Variants in SORCS1 observed in about 807,000 individuals in gnomAD.
SORCS1 encodes the protein VPS10 domain-containing receptor SorCS1.
SORCS1 carries 60 observed loss-of-function variants against 146.1 expected under a neutral mutation model. That is an observed-to-expected ratio of 0.41 (90% CI 0.33 to 0.51). SORCS1 has a LOEUF of 0.51. Ranked by LOEUF, SORCS1 falls within the 20% of genes least tolerant of loss-of-function variation. The pLI, the probability that SORCS1 is intolerant of heterozygous loss-of-function variation, is 0.21. For missense variants in SORCS1, 1,352 were observed against 1,487.6 expected (o/e 0.91, Z 1.50); for synonymous variants, 637 against 584.0 (o/e 1.09, Z -1.31).
At chr10:106,915,602 CTTG>C (rs1952383802) in intron 2 of SORCS1, among the ~76,000 whole-genome samples, 1 of 152,108 alleles carries the variant, frequency 6.6e-6, no homozygotes, top group Non-Finnish European at 1.5e-5. Flanking sequence ...ATTCCTCTTT[CTTG>C]TTGTGCTTCT....
At chr10:106,808,165 T>C (rs1947281934) in intron 3 of SORCS1, among the ~76,000 whole-genome samples, 1 of 152,012 alleles carries the variant, frequency 6.6e-6, no homozygotes, top group Non-Finnish European at 1.5e-5. Flanking sequence ...GATTAAGGCA[T>C]GCAGCACCAC....
intron 9 of SORCS1, among the ~76,000 whole-genome samples, chr10:106,694,863 A>G (rs1434755782): frequency 6.6e-6 from 1 of 152,004 alleles, no homozygotes; most frequent in Non-Finnish European, 1.5e-5. Context: ...AACCCTTTGC[A>G]CTCAGCTGGG....
At chr10:106,697,940 A>C (rs546090604) in intron 9 of SORCS1, among the ~76,000 whole-genome samples, 48 of 152,342 alleles carry the variant, frequency 3.2e-4, no homozygotes, top group Middle Eastern at 3.4e-3. Context: ...GCTGTCATAC[A>C]TGATATTGTA....
intron 23 of SORCS1, among the ~76,000 whole-genome samples, chr10:106,598,773 T>TA (rs1846061496): frequency 6.6e-6 from 1 of 152,172 alleles, no homozygotes; most frequent in African/African-American, 2.4e-5. Flanking sequence ...CTTTATTTGT[T>TA]AAGCAGGGCC....
At chr10:106,584,374 T>G (rs1397848371) in intron 24 of SORCS1, among the ~76,000 whole-genome samples, 1 of 152,186 alleles carries the variant, frequency 6.6e-6, no homozygotes, top group Non-Finnish European at 1.5e-5. Flanking sequence ...AGTCTCTTGT[T>G]AAAGTAGCCA....
At chr10:106,910,396 A>G (rs181060227) in intron 2 of SORCS1, among the ~76,000 whole-genome samples, 1 of 152,094 alleles carries the variant, frequency 6.6e-6, no homozygotes, top group Admixed American at 6.6e-5. Flanking sequence ...TGACAGTATC[A>G]TATTATGGGG....
chr10:106,791,414 T>C (rs1946314150), intron 3 of SORCS1, among the ~76,000 whole-genome samples: 1 of 152,182 alleles, frequency 6.6e-6, no homozygotes, highest in African/African-American at 2.4e-5. Flanking sequence ...AATATGAATT[T>C]TGGCCAGGTA....
chr10:106,713,415 G>T (rs545372044), intron 6 of SORCS1, among the ~76,000 whole-genome samples: 17 of 151,490 alleles, frequency 1.1e-4, no homozygotes, highest in African/African-American at 3.9e-4. Flanking sequence ...TGTTTTATTT[G>T]TATTAGTGTC....
At chr10:106,753,798 C>T (rs565662727) in intron 5 of SORCS1, among the ~76,000 whole-genome samples, 1 of 152,124 alleles carries the variant, frequency 6.6e-6, no homozygotes, top group South Asian at 2.1e-4. Context: ...AAAAGCCAGA[C>T]TTTATTGGTC....
At chr10:106,675,249 T>C (rs966438793) in intron 13 of SORCS1, 93 bp from the exon 14 acceptor site, 6 of 870,836 alleles carry the variant, frequency 6.9e-6, no homozygotes, top group Non-Finnish European at 1.1e-5. Context: ...AGATAATACA[T>C]TTTAAAAGTA....
chr10:106,797,647 TG>T (rs1257007042), intron 3 of SORCS1, among the ~76,000 whole-genome samples: 1 of 152,120 alleles, frequency 6.6e-6, no homozygotes, highest in Non-Finnish European at 1.5e-5. Context: ...CAAGCACGCT[TG>T]GGGTAAAACA....
intron 1 of SORCS1, among the ~76,000 whole-genome samples, chr10:106,983,211 T>A (rs965510637): frequency 2.7e-5 from 4 of 147,670 alleles, no homozygotes; most frequent in African/African-American, 4.9e-5. Context: ...TTTCTATATA[T>A]AAATATATAT....
chr10:106,850,475 G>T (rs369552698), intron 2 of SORCS1, among the ~76,000 whole-genome samples: 5 of 151,998 alleles, frequency 3.3e-5, no homozygotes, highest in African/African-American at 7.2e-5. Flanking sequence ...ACTGGCCTGC[G>T]CCCACTGTCT....
intron 2 of SORCS1, among the ~76,000 whole-genome samples, chr10:106,898,979 T>C (rs1297308469): frequency 2.0e-5 from 3 of 152,182 alleles, no homozygotes; most frequent in African/African-American, 7.2e-5. Flanking sequence ...AGTTTATAGA[T>C]TAATTGATTT....
At chr10:106,594,384 G>A (rs1845787489) in intron 24 of SORCS1, among the ~76,000 whole-genome samples, 1 of 152,116 alleles carries the variant, frequency 6.6e-6, no homozygotes, top group Non-Finnish European at 1.5e-5. Context: ...TGATACATAA[G>A]CATAGTGATC....
rs531346535 is a variant in SORCS1, at chr10:106,928,055, C to T, written c.626+28458G>A. Among the ~76,000 whole-genome samples, 89 of 152,374 alleles carry T rather than the reference C, an allele frequency of 5.8e-4. No individual in the cohort carries two copies. In the South Asian group the frequency reaches 7.0e-3, roughly 12 times the overall value. On this transcript the variant is annotated intron_variant, in intron 2 of 25. Transcript: ENST00000263054. ...CCAGCTGGCTTCACCCAGTGGATCC[C>T]GCACCGGCGCTGCATGTGGAGCTGC...
In SORCS1 at chr10:106,762,559, AT is replaced by A. The variant is rs932004275; in HGVS notation, c.886-899del. Among the ~76,000 whole-genome samples the A allele has an allele frequency of 4.6e-3, 664 of 143,934 alleles. 2 individuals carry two copies. The highest frequency in any genetic ancestry group is 0.013 in the African/African-American group (526 of 39,524). 94.4% of individuals were successfully genotyped at this position (143,934 alleles called of 152,430 possible). A position where few individuals can be genotyped will look rare whatever the true frequency, so the allele number is the denominator to read the frequency against. ...AGGTGCCTGCCACCAAGCCCGGCTA[AT>A]TTTTTTTTTTGTATTTTTAGTAGAG... is the stretch of plus-strand genomic sequence containing the variant. On this transcript the variant is annotated intron_variant, in intron 4 of 25. Transcript: ENST00000263054.
intron 1 of SORCS1, among the ~76,000 whole-genome samples, chr10:107,137,004 G>A (rs950583528): frequency 6.6e-6 from 1 of 152,172 alleles, no homozygotes; most frequent in South Asian, 2.1e-4. Context: ...ATCTTGTCCA[G>A]TGTTCCATTT....
At chr10:106,858,393 G>A (rs1949872330) in intron 2 of SORCS1, among the ~76,000 whole-genome samples, 1 of 151,778 alleles carries the variant, frequency 6.6e-6, no homozygotes, top group African/African-American at 2.4e-5. Flanking sequence ...GCCGAGGCAG[G>A]CGGATCACGA....
Sources: allele counts gnomAD v4.1 joint callset (sites outside exome capture counted in the v4.1 genomes callset), GRCh38; gene constraint gnomAD v4.1.1; transcripts MANE v1.5; gene names NCBI Gene and HGNC (gene_info 2026-07-23, HGNC 2026-07-21).